BTBD9: variants seen among roughly 807,000 people sequenced by gnomAD.
BTBD9 encodes the protein BTB/POZ domain-containing protein 9.
A neutral mutation model predicts 64.3 loss-of-function variants in BTBD9; 49 were observed. The observed-to-expected ratio is 0.76, with a 90% confidence interval of 0.61 to 0.97. BTBD9 has a LOEUF of 0.97. Among genes scored for constraint, BTBD9 ranks in the 50% least tolerant of loss-of-function variants. The probability of loss-of-function intolerance (pLI) is 0.00; values close to 1 mark genes in which losing one functional copy is unlikely to be tolerated. For synonymous variants in BTBD9, 260 were observed against 274.7 expected, an observed-to-expected ratio of 0.95 and a Z score of 0.53; for missense variants, 598 against 762.1, an observed-to-expected ratio of 0.78 and a Z score of 2.53.
intron 9 of BTBD9, among the ~76,000 whole-genome samples, chr6:38,217,692 C>CTTTCTTTTT (rs1561886216): frequency 1.3e-5 from 1 of 75,608 alleles, no homozygotes. Context: ...TTATTTTTTT[C>CTTTCTTTTT]TTTTTTCTTT....
chr6:38,405,127 C>A (rs900564746), intron 6 of BTBD9, among the ~76,000 whole-genome samples: 1 of 152,126 alleles, frequency 6.6e-6, no homozygotes, highest in East Asian at 1.9e-4. Flanking sequence ...TTGAGTTGTG[C>A]AATTCTAGGA....
intron 6 of BTBD9, among the ~76,000 whole-genome samples, chr6:38,355,579 C>G (rs935948029): frequency 6.6e-6 from 1 of 152,186 alleles, no homozygotes; most frequent in Non-Finnish European, 1.5e-5. Flanking sequence ...GTGGAATGAA[C>G]AGAAAGTAAA....
rs187685708 is a variant in BTBD9 at position 38,573,209 on chromosome 6, C to T, written c.1154+4391G>A. Among the ~76,000 whole-genome samples, 6 of 152,092 alleles carry T rather than the reference C, an allele frequency of 3.9e-5. No homozygotes were observed. The East Asian group carries it at 7.7e-4, about 20-fold the overall frequency. ...CAAATTATGTATTACATTGGCAAAA[C>T]GGTGACAGTGTCTGCATTGGTGAAG... is the stretch of plus-strand genomic sequence containing the variant. On this transcript the variant is annotated intron_variant, in intron 6 of 10. Coordinates refer to ENST00000481247, the MANE Select transcript of BTBD9 (RefSeq NM_001099272.2).
At chr6:38,288,588 G>GAA in intron 7 of BTBD9, 127 bp from the exon 8 acceptor site, 1 of 759,074 alleles carries the variant, frequency 1.3e-6, no homozygotes, top group Non-Finnish European at 2.1e-6. Context: ...TAGAACATCT[G>GAA]GATTATCTTC....
At chr6:38,502,233 C>G (rs923046861) in intron 6 of BTBD9, among the ~76,000 whole-genome samples, 4 of 152,088 alleles carry the variant, frequency 2.6e-5, no homozygotes, top group African/African-American at 9.7e-5. Flanking sequence ...TGAGAGGGAA[C>G]CTAAAGAAGT....
At chr6:38,481,326 C>G (rs1405150688) in intron 6 of BTBD9, among the ~76,000 whole-genome samples, 1 of 152,154 alleles carries the variant, frequency 6.6e-6, no homozygotes, top group East Asian at 1.9e-4. Flanking sequence ...AAAGACAAAA[C>G]TTGGCAAGAT....
chr6:38,405,708 T>C (rs1176864496), intron 6 of BTBD9, among the ~76,000 whole-genome samples: 1 of 152,174 alleles, frequency 6.6e-6, no homozygotes, highest in African/African-American at 2.4e-5. Flanking sequence ...CCATATTTGT[T>C]CTATAACTTT....
chr6:38,635,183 C>T (rs1019289804), intron 1 of BTBD9, among the ~76,000 whole-genome samples: 8 of 151,816 alleles, frequency 5.3e-5, no homozygotes, highest in Non-Finnish European at 7.4e-5. Flanking sequence ...TCACCTAGGC[C>T]GGAGTGCAGT....
At chr6:38,574,740 A>C (rs1397558152) in intron 6 of BTBD9, among the ~76,000 whole-genome samples, 1 of 152,214 alleles carries the variant, frequency 6.6e-6, no homozygotes, top group Non-Finnish European at 1.5e-5. Context: ...AGAGAGGCAC[A>C]ATCGTATTAC....
chr6:38,246,437 T>A (rs1764205057), intron 9 of BTBD9, among the ~76,000 whole-genome samples: 1 of 151,386 alleles, frequency 6.6e-6, no homozygotes, highest in Admixed American at 6.6e-5. Flanking sequence ...CTGCCTAGGG[T>A]CAGACTTGGC....
intron 1 of BTBD9, among the ~76,000 whole-genome samples, chr6:38,620,263 T>G (rs1333514265): frequency 6.6e-6 from 1 of 152,210 alleles, no homozygotes; most frequent in Admixed American, 6.5e-5. Context: ...TACATTCAGT[T>G]GTACCCAACT....
intron 6 of BTBD9, among the ~76,000 whole-genome samples, chr6:38,399,282 A>G (rs992116106): frequency 6.6e-6 from 1 of 152,240 alleles, no homozygotes; most frequent in African/African-American, 2.4e-5. Context: ...ATCTGGAAGT[A>G]AATCTCTAAA....
intron 7 of BTBD9, among the ~76,000 whole-genome samples, chr6:38,315,771 G>T (rs1046105364): frequency 7.9e-5 from 12 of 152,214 alleles, no homozygotes; most frequent in African/African-American, 2.7e-4. Flanking sequence ...TTGAGCAGAA[G>T]AATGTGTATT....
In BTBD9 at chr6:38,307,158, C is replaced by T. The variant is rs191576617; in HGVS notation, c.1265-18697G>A. ...ACACAGGAATTTGTTGCTGATCAGGCAAGCTTCTAACCCAACTGTAATCCA... is the reference window on the plus strand; with the variant it reads ...ACACAGGAATTTGTTGCTGATCAGGTAAGCTTCTAACCCAACTGTAATCCA... On this transcript the variant is annotated intron_variant, in intron 7 of 10. Transcript: ENST00000481247. Among the ~76,000 whole-genome samples the T allele has an allele frequency of 7.2e-5, 11 of 152,300 alleles. No individual in the cohort carries two copies. In the East Asian group the frequency reaches 2.1e-3, roughly 29 times the overall value.
At chr6:38,176,053 C>T (rs1325500710) in intron 10 of BTBD9, among the ~76,000 whole-genome samples, 3 of 152,222 alleles carry the variant, frequency 2.0e-5, no homozygotes, top group Non-Finnish European at 2.9e-5. Flanking sequence ...GGCACAGCAC[C>T]GAGCTCAGCG....
At chr6:38,376,587 A>T (rs1251623987) in intron 6 of BTBD9, among the ~76,000 whole-genome samples, 1 of 152,214 alleles carries the variant, frequency 6.6e-6, no homozygotes, top group East Asian at 1.9e-4. Flanking sequence ...AAATCCAGAA[A>T]CAAAAGCTGT....
chr6:38,305,237 T>G (rs1380327832), intron 7 of BTBD9, among the ~76,000 whole-genome samples: 1 of 152,090 alleles, frequency 6.6e-6, no homozygotes, highest in Non-Finnish European at 1.5e-5. Flanking sequence ...AATCTCTGGG[T>G]CTTGACCTAA....
chr6:38,274,515 T>C (rs1229919561), intron 8 of BTBD9, among the ~76,000 whole-genome samples: 1 of 152,168 alleles, frequency 6.6e-6, no homozygotes, highest in Non-Finnish European at 1.5e-5. Context: ...TGGCTGTGGG[T>C]TTGTCATAGA....
intron 8 of BTBD9, among the ~76,000 whole-genome samples, chr6:38,280,506 T>A (rs888826351): frequency 1.3e-5 from 2 of 152,210 alleles, no homozygotes; most frequent in East Asian, 1.9e-4. Flanking sequence ...TTATAAGCAA[T>A]CTTAATCCAA....
Sources: allele counts gnomAD v4.1 joint callset (sites outside exome capture counted in the v4.1 genomes callset), GRCh38; gene constraint gnomAD v4.1.1; transcripts MANE v1.5; gene names NCBI Gene and HGNC (gene_info 2026-07-23, HGNC 2026-07-21).